The following COP1 variants were observed in gnomAD, a reference collection of about 807,000 sequenced individuals.
The protein encoded by COP1 is COP1 E3 ubiquitin ligase.
COP1 carries 24 observed loss-of-function variants against 101.3 expected under a neutral mutation model. That is an observed-to-expected ratio of 0.24 (90% CI 0.17 to 0.33). The LOEUF (loss-of-function observed/expected upper bound fraction) is 0.33. COP1 is among the 10% of genes least tolerant of loss of function. The probability of loss-of-function intolerance (pLI) is 1.00; values close to 1 mark genes in which losing one functional copy is unlikely to be tolerated. For synonymous variants in COP1, 347 were observed against 341.9 expected, an observed-to-expected ratio of 1.01 and a Z score of -0.17; for missense variants, 663 against 906.2, an observed-to-expected ratio of 0.73 and a Z score of 3.45.
chr1:176,129,397 T>C (rs927152240), intron 8 of COP1, among the ~76,000 whole-genome samples: 1 of 151,842 alleles, frequency 6.6e-6, no homozygotes, highest in Non-Finnish European at 1.5e-5. Context: ...GCACAGAAAA[T>C]AGGCAATTCA....
intron 11 of COP1, among the ~76,000 whole-genome samples, chr1:176,066,760 A>G (rs1315156001): frequency 6.6e-6 from 1 of 152,208 alleles, no homozygotes; most frequent in Non-Finnish European, 1.5e-5. Context: ...CCAAAAAATG[A>G]TAACTAGAAC....
chr1:176,172,245 T>C (rs1382067070), intron 3 of COP1, among the ~76,000 whole-genome samples: 3 of 152,226 alleles, frequency 2.0e-5, no homozygotes, highest in African/African-American at 7.2e-5. Context: ...TCTCGCTATA[T>C]TGCGCAGACT....
intron 5 of COP1, among the ~76,000 whole-genome samples, chr1:176,154,833 G>A (rs1033836684): frequency 6.6e-6 from 1 of 152,028 alleles, no homozygotes; most frequent in African/African-American, 2.4e-5. Flanking sequence ...GACGATGACG[G>A]TATTGGAAAG....
Position 175,945,244 on chromosome 1 carries a change from A to G in COP1, c.2179-74T>C, listed in dbSNP as rs1649016308. Reference sequence around the variant, plus strand: ...AAAAGGAATTTAATGACTCTTTACTATATTTACCAATAGAAAAGCAAATTT... The same window carrying G: ...AAAAGGAATTTAATGACTCTTTACTGTATTTACCAATAGAAAAGCAAATTT... On this transcript the variant is annotated intron_variant, in intron 19 of 19. Coordinates refer to ENST00000367669, the MANE Select transcript of COP1 (RefSeq NM_022457.7). 2.8e-6 allele frequency: 3 copies of G among 1,065,388 alleles called. No homozygotes were observed. In the South Asian group the frequency reaches 4.5e-5, roughly 16 times the overall value. 66.0% of individuals were successfully genotyped at this position (1,065,388 alleles called of 1,614,324 possible).
intron 18 of COP1, among the ~76,000 whole-genome samples, chr1:175,950,946 G>A (rs1461527734): frequency 6.6e-6 from 1 of 152,084 alleles, no homozygotes; most frequent in Non-Finnish European, 1.5e-5. Context: ...GGTCATTATA[G>A]ACAATACATT....
intron 10 of COP1, 45 bp downstream of exon 10, chr1:176,085,731 C>A (rs781548981): frequency 1.7e-6 from 2 of 1,177,800 alleles, no homozygotes; most frequent in East Asian, 2.4e-5. Flanking sequence ...AGAAACAGAT[C>A]TGAAATGTAG....
intron 10 of COP1, among the ~76,000 whole-genome samples, chr1:176,084,828 T>C (rs1679832330): frequency 6.8e-6 from 1 of 147,798 alleles, no homozygotes; most frequent in Non-Finnish European, 1.5e-5. Context: ...ACCCAGTTTT[T>C]AACAACCAAT....
chr1:176,033,140 G>A (rs12135395), intron 14 of COP1, among the ~76,000 whole-genome samples: 42,953 of 152,010 alleles, frequency 0.28, 6,789 homozygotes, highest in East Asian at 0.49. Flanking sequence ...GGCCAGGTGC[G>A]GTGGCTCATG....
At chr1:176,031,176 A>C (rs1668591095) in intron 14 of COP1, among the ~76,000 whole-genome samples, 1 of 152,220 alleles carries the variant, frequency 6.6e-6, no homozygotes, top group African/African-American at 2.4e-5. Context: ...TGTTGTCTTA[A>C]GCCAGCCTGT....
chr1:176,158,357 C>T (rs957148995), intron 5 of COP1, among the ~76,000 whole-genome samples: 37 of 152,086 alleles, frequency 2.4e-4, no homozygotes, highest in South Asian at 2.1e-4. Context: ...AGAAATAATT[C>T]GCCTCTCGCC....
chr1:176,127,587 GTGTA>G (rs1355179045), intron 8 of COP1, among the ~76,000 whole-genome samples: 2 of 114,368 alleles, frequency 1.7e-5, no homozygotes, highest in East Asian at 3.0e-4. Context: ...GTGTGTGTGT[GTGTA>G]TGTGTATATA....
intron 18 of COP1, among the ~76,000 whole-genome samples, chr1:175,948,702 G>A (rs995526044): frequency 6.6e-6 from 1 of 152,086 alleles, no homozygotes; most frequent in East Asian, 1.9e-4. Context: ...AAATAATAAT[G>A]TCTTCCACTA....
chr1:175,992,981 A>G (rs1005892160), intron 15 of COP1, among the ~76,000 whole-genome samples: 2 of 152,116 alleles, frequency 1.3e-5, no homozygotes, highest in African/African-American at 2.4e-5. Flanking sequence ...CAGCCTAACT[A>G]GGAGGCACCA....
At chr1:176,058,137 G>GGA (rs1425013440) in intron 11 of COP1, among the ~76,000 whole-genome samples, 1 of 140,892 alleles carries the variant, frequency 7.1e-6, no homozygotes, top group Non-Finnish European at 1.6e-5. Flanking sequence ...AGGTGGGGTG[G>GGA]GGGGGGGGTC....
At chr1:176,000,401 T>C (rs1661309833) in intron 15 of COP1, among the ~76,000 whole-genome samples, 1 of 152,110 alleles carries the variant, frequency 6.6e-6, no homozygotes, top group South Asian at 2.1e-4. Context: ...CAAAAATGAG[T>C]TCACTGTAGG....
intron 16 of COP1, 172 bp from the exon 17 acceptor site, chr1:175,988,584 G>T: frequency 1.9e-6 from 1 of 538,848 alleles, no homozygotes. Flanking sequence ...TGTATTCCAA[G>T]CAATTTGGTA....
chr1:176,199,271 C>T (rs551930441), intron 1 of COP1, among the ~76,000 whole-genome samples: 1 of 152,038 alleles, frequency 6.6e-6, no homozygotes, highest in Admixed American at 6.5e-5. Context: ...AAGCTGAGAT[C>T]GTGCCACTGC....
intron 1 of COP1, among the ~76,000 whole-genome samples, chr1:176,203,133 C>G (rs1379419327): frequency 1.3e-5 from 2 of 151,422 alleles, no homozygotes; most frequent in Non-Finnish European, 3.0e-5. Flanking sequence ...GTCAGGAGAT[C>G]GAGACCATCC....
intron 9 of COP1, among the ~76,000 whole-genome samples, chr1:176,116,141 G>C (rs981307175): frequency 1.3e-5 from 2 of 152,212 alleles, no homozygotes; most frequent in Admixed American, 1.3e-4. Flanking sequence ...ACTGTGGGAG[G>C]GTGAGGCAGA....
Sources: gnomAD v4.1 joint callset for allele counts (sites outside exome capture counted in the v4.1 genomes callset) on GRCh38, gnomAD v4.1.1 for gene constraint, MANE v1.5 for transcripts, NCBI Gene and HGNC (gene_info 2026-07-23, HGNC 2026-07-21) for gene names.